Variants in GSE1 observed in about 807,000 individuals in gnomAD.
GSE1 encodes Gse1 coiled-coil protein.
A neutral mutation model predicts 112.6 loss-of-function variants in GSE1; 32 were observed. That is an observed-to-expected ratio of 0.28 (90% CI 0.21 to 0.38). The LOEUF is 0.38. Ranked by LOEUF, GSE1 falls within the 10% of genes least tolerant of loss-of-function variation. The pLI is 1.00. For missense variants in GSE1, 2,348 were observed against 1,699.2 expected, an observed-to-expected ratio of 1.38 and a Z score of -6.71; for synonymous variants, 1,115 against 735.6, an observed-to-expected ratio of 1.52 and a Z score of -8.35.
At chr16:85,478,849 TTC>T (rs1300221199) in intron 2 of GSE1, among the ~76,000 whole-genome samples, 1 of 8,740 alleles carries the variant, frequency 1.1e-4, no homozygotes, top group Non-Finnish European at 2.2e-4. Context: ...TTTTCTTTCT[TTC>T]TTTCTTTCTT....
intron 2 of GSE1, among the ~76,000 whole-genome samples, chr16:85,514,522 C>G (rs926782912): frequency 6.6e-6 from 1 of 151,642 alleles, no homozygotes; most frequent in Admixed American, 6.6e-5. Flanking sequence ...GGCTGTGTAG[C>G]CCCCTTGCCT....
intron 2 of GSE1, among the ~76,000 whole-genome samples, chr16:85,362,716 G>A (rs1472975014): frequency 6.6e-6 from 1 of 152,184 alleles, no homozygotes; most frequent in Admixed American, 6.5e-5. Flanking sequence ...TGTGCTTTCT[G>A]CATGGCCATT....
At chr16:85,268,642 C>A (rs1175903489) in intron 1 of GSE1, among the ~76,000 whole-genome samples, 1 of 152,178 alleles carries the variant, frequency 6.6e-6, no homozygotes. Context: ...CTGCTGCTGC[C>A]ATGATCCCGG....
At chr16:85,326,568 C>T (rs372378165) in intron 1 of GSE1, among the ~76,000 whole-genome samples, 28 of 152,222 alleles carry the variant, frequency 1.8e-4, no homozygotes, top group African/African-American at 5.3e-4. Flanking sequence ...TCTCTCCTGT[C>T]GCCTTGTGAA....
Position 85,432,058 on chromosome 16 carries a change from G to A in GSE1, c.2464+74415G>A, listed in dbSNP as rs1473971181. ...GGTGACCGTCTAGCTGCACGCCCCC[G>A]AACTCACCCCTCACCCCTCTTCCCC... On this transcript the variant is annotated intron_variant, in intron 2 of 2. Coordinates refer to the GSE1 transcript ENST00000637419. Among the ~76,000 whole-genome samples, 7 of 152,234 alleles carry A rather than the reference G, an allele frequency of 4.6e-5. No homozygotes were observed. In the East Asian group the frequency reaches 9.7e-4, roughly 21 times the overall value.
intron 1 of GSE1, among the ~76,000 whole-genome samples, chr16:85,291,075 A>G (rs1029672681): frequency 6.6e-6 from 1 of 152,264 alleles, no homozygotes; most frequent in Non-Finnish European, 1.5e-5. Context: ...TGTGACATCC[A>G]GCATTTCATG....
At chr16:85,607,819 G>C (rs373286230), upstream of GSE1, among the ~76,000 whole-genome samples, 12 of 152,352 alleles carry the variant, frequency 7.9e-5, no homozygotes, top group East Asian at 2.3e-3. Flanking sequence ...TCCCTGCTAG[G>C]AGACAGGGGC....
At chr16:85,189,147 T>A (rs2074771423) in intron 1 of GSE1, among the ~76,000 whole-genome samples, 1 of 152,360 alleles carries the variant, frequency 6.6e-6, no homozygotes, top group East Asian at 1.9e-4. Flanking sequence ...CTGCCTATTT[T>A]CCTGCTCCGG....
At chr16:85,618,234 A>T (rs564737921) in intron 1 of GSE1, among the ~76,000 whole-genome samples, 1 of 152,026 alleles carries the variant, frequency 6.6e-6, no homozygotes, top group Non-Finnish European at 1.5e-5. Flanking sequence ...TAATGGTGAC[A>T]TAGATCCTTC....
intron 1 of GSE1, among the ~76,000 whole-genome samples, chr16:85,624,132 C>T (rs960814243): frequency 3.3e-5 from 5 of 152,314 alleles, no homozygotes; most frequent in Middle Eastern, 3.4e-3. Flanking sequence ...CCATGCCCCC[C>T]GGCCGCCACC....
chr16:85,495,606 T>TA (rs1436595949), intron 2 of GSE1, among the ~76,000 whole-genome samples: 2 of 151,980 alleles, frequency 1.3e-5, no homozygotes, highest in Non-Finnish European at 2.9e-5. Flanking sequence ...AAGCAATTCT[T>TA]ACGCCTCTCA....
rs182452362 is a variant in GSE1 at position 85,290,814 on chromosome 16, C to T, written c.2284-66649C>T. On this transcript the variant is annotated intron_variant, in intron 1 of 2. Transcript: ENST00000637419. ...GATGGCCGGCCAGTGCCATGTCCTG[C>T]ATTCTCTCCTGCTCCTCAGCCTCAC... 3.3e-4 allele frequency among the ~76,000 whole-genome samples: 51 copies of T among 152,282 alleles called. No individual in the cohort carries two copies. In the East Asian group the frequency reaches 7.9e-3, roughly 24 times the overall value.
intron 2 of GSE1, among the ~76,000 whole-genome samples, chr16:85,488,846 C>G (rs1258676793): frequency 6.6e-6 from 1 of 152,030 alleles, no homozygotes. Flanking sequence ...ATTTCCTGGA[C>G]AGTGTGGCCA....
chr16:85,584,752 C>T (rs2046609814), intron 1 of GSE1, among the ~76,000 whole-genome samples: 1 of 152,204 alleles, frequency 6.6e-6, no homozygotes, highest in Non-Finnish European at 1.5e-5. Context: ...AAATTTTATC[C>T]TCTAATCTCG....
intron 2 of GSE1, among the ~76,000 whole-genome samples, chr16:85,647,660 C>T (rs1376598790): frequency 2.0e-5 from 3 of 152,296 alleles, no homozygotes; most frequent in Non-Finnish European, 4.4e-5. Flanking sequence ...GATCTCTGCT[C>T]ACCAGAACCT....
chr16:85,319,531 G>A (rs1376478608), intron 1 of GSE1, among the ~76,000 whole-genome samples: 2 of 152,180 alleles, frequency 1.3e-5, no homozygotes, highest in Non-Finnish European at 2.9e-5. Flanking sequence ...AGGGGTCCCT[G>A]TGCTGAGCCC....
chr16:85,248,098 G>C (rs939853123), intron 1 of GSE1, among the ~76,000 whole-genome samples: 1 of 152,202 alleles, frequency 6.6e-6, no homozygotes, highest in East Asian at 1.9e-4. Context: ...GGTGGGGTGC[G>C]TAGAGCTGCA....
intron 1 of GSE1, among the ~76,000 whole-genome samples, chr16:85,567,992 T>C (rs2045831202): frequency 6.6e-6 from 1 of 152,144 alleles, no homozygotes; most frequent in Admixed American, 6.5e-5. Context: ...CCAGTGGTGT[T>C]AGGATTACAG....
chr16:85,504,523 T>G (rs2051473909), intron 2 of GSE1, among the ~76,000 whole-genome samples: 1 of 152,156 alleles, frequency 6.6e-6, no homozygotes, highest in African/African-American at 2.4e-5. Flanking sequence ...ATACGGTTAG[T>G]GTGAAGCCGA....
Sources: allele counts gnomAD v4.1 joint callset (sites outside exome capture counted in the v4.1 genomes callset), GRCh38; gene constraint gnomAD v4.1.1; transcripts MANE v1.5; gene names NCBI Gene and HGNC (gene_info 2026-07-23, HGNC 2026-07-21).